The following ULBP2 variants were observed in gnomAD, a reference collection of about 807,000 sequenced individuals.
ULBP2 encodes the protein UL16 binding protein 2.
In ULBP2, 21 loss-of-function variants were observed where a neutral mutation model predicts 23.6. That is an observed-to-expected ratio of 0.89 (90% confidence interval 0.63 to 1.28). The LOEUF (loss-of-function observed/expected upper bound fraction) is 1.28, where lower values mean the gene tolerates loss of function less well. ULBP2 is among the 50% of genes most tolerant of loss of function. ULBP2 has a pLI of 0.00. For missense variants in ULBP2, 251 were observed against 306.0 expected (o/e 0.82, Z 1.34); for synonymous variants, 82 against 112.8 (o/e 0.73, Z 1.73).
rs200438471 is a variant in ULBP2 at position 149,942,151 on chromosome 6, C to A, written c.79C>A (p.Arg27=). The part of the protein sequence containing the change: ...LLLSGWSRAG[R]ADPHSLCYDI... Reference sequence around the variant, plus strand: ...GCTGTCCGGCTGGTCCCGGGCTGGGCGAGCCGGTGAGTTCGTGGATGGAGC... The same window carrying A: ...GCTGTCCGGCTGGTCCCGGGCTGGGAGAGCCGGTGAGTTCGTGGATGGAGC... The change falls in exon 1 of 5, where the codon CGA becomes AGA. Residue 27 remains arginine (R), a synonymous_variant. Coordinates refer to ENST00000367351, the MANE Select transcript of ULBP2 (RefSeq NM_025217.4). The A allele has an allele frequency of 1.3e-6, 2 of 1,574,494 alleles. No homozygotes were observed. The highest frequency in any genetic ancestry group is 1.2e-5 in the South Asian group (1 of 84,324).
chr6:149,942,267 C>T (rs1778874787), intron 1 of ULBP2, 110 bp downstream of exon 1: 4 of 1,157,164 alleles, frequency 3.5e-6, no homozygotes, highest in African/African-American at 3.1e-5. Context: ...GGAGATCTCC[C>T]CTAACTGCGC....
Position 149,946,620 on chromosome 6 carries a change from G to A in ULBP2, c.598G>A (p.Gly200Ser), listed in dbSNP as rs370636367. ...CIGWLEDFLM[G>S]MDSTLEPSAG... ...AGGATGGCTTGAGGACTTCTTGATG[G>A]GCATGGACAGCACCCTGGAGCCAAG... is the stretch of plus-strand genomic sequence containing the variant. The change falls in exon 3 of 5, where the codon GGC becomes AGC. Residue 200 changes from glycine (G) to serine (S), a missense_variant. By Grantham distance (56) the Gly-to-Ser change is moderately conservative. Coordinates refer to ENST00000367351, the MANE Select transcript of ULBP2 (RefSeq NM_025217.4). 2 of 1,614,120 alleles carry A rather than the reference G, an allele frequency of 1.2e-6. No individual in the cohort carries two copies. Among genetic ancestry groups the A allele is most frequent in the Non-Finnish European group, 1.7e-6 (2 of 1,180,030 alleles).
chr6:149,942,106 T>C lies in ULBP2; in HGVS notation c.34T>C (p.Cys12Arg), dbSNP rs1164214392. Residue 12 changes from cysteine (C) to arginine (R), a missense_variant, in exon 1 of 5, where the codon TGC becomes CGC. Coordinates refer to ENST00000367351, the MANE Select transcript of ULBP2 (RefSeq NM_025217.4). ...AGCCGCCGCTACCAAGATCCTTCTGTGCCTCCCGCTTCTGCTCCTGCTGTC... is the reference window on the plus strand; with the variant it reads ...AGCCGCCGCTACCAAGATCCTTCTGCGCCTCCCGCTTCTGCTCCTGCTGTC... ...AAAAATKILL[C>R]LPLLLLLSGW... 1.9e-6 allele frequency: 3 copies of C among 1,613,542 alleles called. No homozygotes were observed. The highest frequency in any genetic ancestry group is 2.5e-6 in the Non-Finnish European group (3 of 1,179,886).
rs181307692 is a variant in ULBP2, at chr6:149,943,028, C to G, written c.85+871C>G. ...GTGTCAGCGTCATAGAGAATAGTCACTGTGTAGACAGGGGTCAGCAAACTC... is the reference window on the plus strand; with the variant it reads ...GTGTCAGCGTCATAGAGAATAGTCAGTGTGTAGACAGGGGTCAGCAAACTC... On this transcript the variant is annotated intron_variant, in intron 1 of 4. Transcript: ENST00000367351. 9.1e-4 allele frequency among the ~76,000 whole-genome samples: 138 copies of G among 152,266 alleles called. 1 individual carries two copies. The highest frequency in any genetic ancestry group is 3.2e-3 in the Admixed American group (49 of 15,294).
rs555941285 is a variant in ULBP2, at chr6:149,942,084, C to A, written c.12C>A (p.Ala4=). MAA[A]AATKILLCLP... Reference sequence around the variant, plus strand: ...GCTCTGGGTCCTTAATGGCAGCAGCCGCCGCTACCAAGATCCTTCTGTGCC... The same window carrying A: ...GCTCTGGGTCCTTAATGGCAGCAGCAGCCGCTACCAAGATCCTTCTGTGCC... Residue 4 remains alanine, a synonymous_variant, in exon 1 of 5, where the codon GCC becomes GCA. Transcript: ENST00000367351. 2.5e-6 allele frequency: 4 copies of A among 1,613,034 alleles called. No homozygotes were observed. The African/African-American group carries it at 4.0e-5, about 16-fold the overall frequency.
intron 1 of ULBP2, 89 bp from the exon 2 acceptor site, chr6:149,945,220 A>G: frequency 6.7e-7 from 1 of 1,487,910 alleles, no homozygotes. Flanking sequence ...CCAGCCTGCC[A>G]GAGGCATCCT....
intron 1 of ULBP2, 111 bp downstream of exon 1, chr6:149,942,268 CTAACTG>C: frequency 1.7e-6 from 2 of 1,159,728 alleles, no homozygotes; most frequent in Non-Finnish European, 2.4e-6. Context: ...GAGATCTCCC[CTAACTG>C]CGCCCCCGTT....
chr6:149,946,557 G>T lies in ULBP2; in HGVS notation c.535G>T (p.Ala179Ser), dbSNP rs532853888. The part of the protein sequence containing the change: ...KEKWENDKVV[A>S]MSFHYFSMGD... The stretch of plus-strand genomic sequence containing the variant: ...AAAGTGGGAGAATGACAAGGTTGTG[G>T]CCATGTCCTTCCATTACTTCTCAAT... Residue 179 changes from alanine to serine, a missense_variant, in exon 3 of 5, where the codon GCC (alanine) becomes TCC (serine). Physicochemically the swap from Ala to Ser is moderately conservative, Grantham distance 99. Transcript: ENST00000367351. The T allele has an allele frequency of 6.8e-6, 11 of 1,614,068 alleles. No homozygotes were observed. Among genetic ancestry groups the T allele is most frequent in the Non-Finnish European group, 9.3e-6 (11 of 1,180,046 alleles).
Position 149,946,353 on chromosome 6 carries a change from C to G in ULBP2, c.350-19C>G, listed in dbSNP as rs572743161. ...AAAATTTGTCAAGATCAGAGCTGAT[C>G]TCTCTCTGATGGGGGCAGAACCCCT... On this transcript the variant is annotated intron_variant, in intron 2 of 4. Coordinates refer to ENST00000367351, the MANE Select transcript of ULBP2 (RefSeq NM_025217.4). The G allele has an allele frequency of 6.9e-6, 11 of 1,604,846 alleles. No homozygotes were observed. In the East Asian group the frequency reaches 2.2e-4, roughly 33 times the overall value.
intron 4 of ULBP2, among the ~76,000 whole-genome samples, chr6:149,948,337 G>C (rs2114689355): frequency 6.6e-6 from 1 of 152,306 alleles, no homozygotes; most frequent in East Asian, 1.9e-4. Flanking sequence ...AAGGATGTTT[G>C]CCTGCAGGCC....
In ULBP2 at chr6:149,946,454, T is replaced by C. The variant is rs564136630; in HGVS notation, c.432T>C (p.Asp144=). 526 of 1,614,192 alleles carry C rather than the reference T, an allele frequency of 3.3e-4. 4 individuals are homozygous for C. The South Asian group carries it at 4.7e-3, about 14-fold the overall frequency. Residue 144 remains aspartate, a synonymous_variant, in exon 3 of 5, where the codon GAT becomes GAC. Coordinates refer to ENST00000367351, the MANE Select transcript of ULBP2 (RefSeq NM_025217.4). ...HSSGSWQFSF[D]GQIFLLFDSE... Reference sequence around the variant, plus strand: ...GTGGATCTTGGCAGTTCAGTTTCGATGGGCAGATCTTCCTCCTCTTTGACT... The same window carrying C: ...GTGGATCTTGGCAGTTCAGTTTCGACGGGCAGATCTTCCTCCTCTTTGACT...
chr6:149,948,666 T>C (rs1426432880), intron 4 of ULBP2, 57 bp from the exon 5 acceptor site: 2 of 456,576 alleles, frequency 4.4e-6, no homozygotes, highest in Non-Finnish European at 8.8e-6. Context: ...AAGATTACCC[T>C]GGAAAAGTGA....
chr6:149,942,996 T>TA (rs1778886091), intron 1 of ULBP2, among the ~76,000 whole-genome samples: 1 of 152,172 alleles, frequency 6.6e-6, no homozygotes, highest in Non-Finnish European at 1.5e-5. Flanking sequence ...CTGTTCTTCC[T>TA]ACGGGGGTGT....
intron 1 of ULBP2, among the ~76,000 whole-genome samples, chr6:149,943,430 C>T (rs533535446): frequency 6.6e-6 from 1 of 152,044 alleles, no homozygotes; most frequent in Non-Finnish European, 1.5e-5. Flanking sequence ...AGGTACCCTC[C>T]CTGAAGCCTC....
Position 149,946,394 on chromosome 6 carries a change from G to T in ULBP2, c.372G>T (p.Arg124Ser). The part of the protein sequence containing the change: ...TPKEPLTLQA[R>S]MSCEQKAEGH... The stretch of plus-strand genomic sequence containing the variant: ...CAGAACCCCTCACCCTGCAGGCAAG[G>T]ATGTCTTGTGAGCAGAAAGCTGAAG... Residue 124 changes from arginine to serine, a missense_variant, in exon 3 of 5, where the codon AGG (arginine) becomes AGT (serine). Coordinates refer to ENST00000367351, the MANE Select transcript of ULBP2 (RefSeq NM_025217.4). The T allele has an allele frequency of 1.9e-6, 3 of 1,613,904 alleles. No individual in the cohort carries two copies. The highest frequency in any genetic ancestry group is 1.7e-4 in the Middle Eastern group (1 of 6,060).
At chr6:149,943,830 G>T (rs1395026647) in intron 1 of ULBP2, among the ~76,000 whole-genome samples, 1 of 151,980 alleles carries the variant, frequency 6.6e-6, no homozygotes, top group Non-Finnish European at 1.5e-5. Flanking sequence ...TCTCTGTTGT[G>T]ATTCTCCAAT....
At position 149,948,765 on chromosome 6, in the gene ULBP2, T is replaced by A. The variant is rs777057788; in HGVS notation, c.*65T>A. ...AAGGCTCCTGTGAGCACGGTCTTGA[T>A]CAAACTCGCCCTTCTGTCTGGCCAG... On this transcript the variant is annotated 3_prime_UTR_variant, in exon 5 of 5. Transcript: ENST00000367351. 5.3e-5 allele frequency: 24 copies of A among 456,624 alleles called. No homozygotes were observed. Among genetic ancestry groups the A allele is most frequent in the African/African-American group, 4.8e-4 (24 of 50,084 alleles). 28.3% of individuals were successfully genotyped at this position (456,624 alleles called of 1,614,324 possible).
At chr6:149,945,911 A>G (rs923483184) in intron 2 of ULBP2, among the ~76,000 whole-genome samples, 1 of 139,462 alleles carries the variant, frequency 7.2e-6, no homozygotes, top group African/African-American at 2.9e-5. Flanking sequence ...ACTGCACTCC[A>G]GCCTGGGCAA....
intron 1 of ULBP2, among the ~76,000 whole-genome samples, chr6:149,945,003 G>T (rs1778912633): frequency 6.6e-6 from 1 of 151,222 alleles, no homozygotes; most frequent in African/African-American, 2.4e-5. Flanking sequence ...CTCCTCTCTT[G>T]CTAGAGAGGC....
Sources: allele counts gnomAD v4.1 joint callset (sites outside exome capture counted in the v4.1 genomes callset), GRCh38; gene constraint gnomAD v4.1.1; transcripts MANE v1.5; gene names NCBI Gene and HGNC (gene_info 2026-07-23, HGNC 2026-07-21).